The following DDX1 variants were observed in gnomAD, a reference collection of about 807,000 sequenced individuals.
DDX1 encodes ATP-dependent RNA helicase DDX1.
A neutral mutation model predicts 108.7 loss-of-function variants in DDX1; 28 were observed. The observed-to-expected ratio is 0.26, with a 90% CI of 0.19 to 0.35. The LOEUF (loss-of-function observed/expected upper bound fraction) is 0.35. Ranked by LOEUF, DDX1 falls within the 10% of genes least tolerant of loss-of-function variation. The pLI is 1.00. For synonymous variants in DDX1, 295 were observed against 288.9 expected (o/e 1.02, Z -0.21); for missense variants, 710 against 884.5 (o/e 0.80, Z 2.50).
At chr2:15,601,903 T>C (rs771680648) in intron 6 of DDX1, among the ~76,000 whole-genome samples, 2 of 152,202 alleles carry the variant, frequency 1.3e-5, no homozygotes, top group Non-Finnish European at 2.9e-5. Flanking sequence ...ATTTAGTATG[T>C]GGACATCACT....
intron 10 of DDX1, among the ~76,000 whole-genome samples, chr2:15,605,223 A>C (rs1040273276): frequency 6.6e-6 from 1 of 151,900 alleles, no homozygotes; most frequent in Admixed American, 6.6e-5. Context: ...GGGTGGGGTG[A>C]GATTGCCTAG....
At chr2:15,594,020 G>T (rs1362804364) in intron 1 of DDX1, among the ~76,000 whole-genome samples, 1 of 151,944 alleles carries the variant, frequency 6.6e-6, no homozygotes, top group Non-Finnish European at 1.5e-5. Context: ...GGAGTTTGCA[G>T]TGAGTGGAGA....
chr2:15,629,267 T>C (rs1002018313), intron 23 of DDX1, among the ~76,000 whole-genome samples: 1 of 152,210 alleles, frequency 6.6e-6, no homozygotes, highest in African/African-American at 2.4e-5. Context: ...TACAAAAGAT[T>C]TGAACTTATT....
chr2:15,609,665 T>C (rs188960333), intron 13 of DDX1, among the ~76,000 whole-genome samples: 62 of 152,306 alleles, frequency 4.1e-4, no homozygotes, highest in African/African-American at 1.2e-3. Flanking sequence ...TCAATTATCA[T>C]GTGTATGTGT....
At position 15,624,694 on chromosome 2, in the gene DDX1, GC is replaced by G. The variant is rs199886388; in HGVS notation, c.1594+1114del. On this transcript the variant is annotated intron_variant, in intron 19 of 25. Transcript: ENST00000233084. ...AAGATGAGATTTGGATGGAGACCCA[GC>G]CAAATTATATCATAAACCAACATGG... is the stretch of plus-strand genomic sequence containing the variant. Among the ~76,000 whole-genome samples, 649 of 152,276 alleles carry G rather than the reference GC, an allele frequency of 4.3e-3. 4 individuals carry two copies. Among genetic ancestry groups the G allele is most frequent in the African/African-American group, 0.015 (617 of 41,552 alleles).
At chr2:15,616,177 T>C (rs1665890617) in intron 14 of DDX1, among the ~76,000 whole-genome samples, 1 of 152,086 alleles carries the variant, frequency 6.6e-6, no homozygotes, top group Non-Finnish European at 1.5e-5. Flanking sequence ...CCTCCCAAAG[T>C]GCTAGGATTA....
chr2:15,597,237 G>A, intron 4 of DDX1, 138 bp from the exon 5 acceptor site: 2 of 625,064 alleles, frequency 3.2e-6, no homozygotes, highest in Non-Finnish European at 5.5e-6. Flanking sequence ...TTTTGGTTTG[G>A]GTAAATGAAA....
At position 15,597,466 on chromosome 2, in the gene DDX1, C is replaced by T; in HGVS notation, c.254C>T (p.Ala85Val). ...GGAAAAACAACAATTAAAACTGGTG[C>T]TTCAGGTAATTTTTGTAAATTGATA... Reference protein sequence around the residue: ...KKGKTTIKTGASVLNKWQMNP... With the variant: ...KKGKTTIKTGVSVLNKWQMNP... The change falls in exon 5 of 26, where the codon GCT (alanine) becomes GTT (valine). Residue 85 changes from alanine (A) to valine (V), a missense_variant. Physicochemically the swap from Ala to Val is moderately conservative, Grantham distance 64. Transcript: ENST00000233084. 2 of 1,595,212 alleles carry T rather than the reference C, an allele frequency of 1.3e-6. No homozygotes were observed. Among genetic ancestry groups the T allele is most frequent in the Non-Finnish European group, 1.7e-6 (2 of 1,168,876 alleles).
chr2:15,596,958 T>C (rs966110039), intron 4 of DDX1, among the ~76,000 whole-genome samples, 195 bp downstream of exon 4: 1 of 152,212 alleles, frequency 6.6e-6, no homozygotes, highest in Non-Finnish European at 1.5e-5. Context: ...CTTAAGAACA[T>C]AGTTTTAAAT....
At position 15,619,016 on chromosome 2, in the gene DDX1, G is replaced by A. The variant is rs143353408; in HGVS notation, c.1206+746G>A. Among the ~76,000 whole-genome samples the A allele has an allele frequency of 1.8e-3, 277 of 152,312 alleles. 2 individuals are homozygous for A. Among genetic ancestry groups the A allele is most frequent in the Non-Finnish European group, 3.3e-3 (224 of 68,018 alleles). On this transcript the variant is annotated intron_variant, in intron 16 of 25. Transcript: ENST00000233084. ...TGGGGGCAAGGGAGGGCCTTTTAGG[G>A]CCCCCCGAGTGCAGAGATGTCTGGG...
rs1280651642 is a variant in DDX1 at position 15,591,879 on chromosome 2, G to A, written c.-55G>A. On this transcript the variant is annotated 5_prime_UTR_variant, in exon 1 of 26. In the 5' UTR this introduces an upstream ATG that the reference lacks. Transcript: ENST00000233084. ...AAGCGCGCGCCGCCACTGCCACGCCGTGTCAGTCGGGAGGGAGGGAGCGAG... is the reference window on the plus strand; with the variant it reads ...AAGCGCGCGCCGCCACTGCCACGCCATGTCAGTCGGGAGGGAGGGAGCGAG... 6 of 1,466,346 alleles carry A rather than the reference G, an allele frequency of 4.1e-6. No homozygotes were observed. The highest frequency in any genetic ancestry group is 5.4e-6 in the Non-Finnish European group (6 of 1,107,446). 90.8% of individuals were successfully genotyped at this position (1,466,346 alleles called of 1,614,324 possible).
rs752695079 is a variant in DDX1 at position 15,629,562 on chromosome 2, A to G, written c.1876-40A>G. On this transcript the variant is annotated intron_variant, in intron 23 of 25. Transcript: ENST00000233084. Reference sequence around the variant, plus strand: ...AGAATAAGATATTTAGCATGTCTCTATCTCCATGCATGTTAATATTTTTTC... The same window carrying G: ...AGAATAAGATATTTAGCATGTCTCTGTCTCCATGCATGTTAATATTTTTTC... 2.8e-5 allele frequency: 39 copies of G among 1,397,668 alleles called. No individual in the cohort carries two copies. The African/African-American group carries it at 4.1e-4, about 15-fold the overall frequency. 86.6% of individuals were successfully genotyped at this position (1,397,668 alleles called of 1,614,324 possible). A position where few individuals can be genotyped will look rare whatever the true frequency, so the allele number is the denominator to read the frequency against.
At chr2:15,609,416 A>T (rs1366716254) in intron 13 of DDX1, among the ~76,000 whole-genome samples, 4 of 152,260 alleles carry the variant, frequency 2.6e-5, no homozygotes, top group Non-Finnish European at 5.9e-5. Flanking sequence ...CAGCCCAGCC[A>T]TCTGCCCCTC....
intron 18 of DDX1, among the ~76,000 whole-genome samples, chr2:15,621,986 A>G (rs1666018983): frequency 6.6e-6 from 1 of 152,242 alleles, no homozygotes; most frequent in Non-Finnish European, 1.5e-5. Context: ...TTCTCATCAT[A>G]GGAAAACAGC....
intron 5 of DDX1, 53 bp downstream of exon 5, chr2:15,597,524 C>A: frequency 8.4e-7 from 1 of 1,188,854 alleles, no homozygotes; most frequent in Non-Finnish European, 1.2e-6. Context: ...GTTCTCATCA[C>A]TGACAGTTAG....
At chr2:15,612,365 G>A (rs7575306) in intron 13 of DDX1, among the ~76,000 whole-genome samples, 35,831 of 150,850 alleles carry the variant, frequency 0.24, 5,203 homozygotes, top group African/African-American at 0.42. Flanking sequence ...CATCTCAGAC[G>A]ATGGGCAGCT....
Position 15,602,653 on chromosome 2 carries a change from T to C in DDX1, c.391+22T>C, listed in dbSNP as rs527581732. ...AAAGGTATTTGAACAGCATCTGCACTTGTATAAACTTTTGAGGCAAGGTAT... is the reference window on the plus strand; with the variant it reads ...AAAGGTATTTGAACAGCATCTGCACCTGTATAAACTTTTGAGGCAAGGTAT... On this transcript the variant is annotated intron_variant, in intron 7 of 25. Transcript: ENST00000233084. 2.9e-5 allele frequency: 44 copies of C among 1,531,468 alleles called. No homozygotes were observed. The South Asian group carries it at 4.7e-4, about 16-fold the overall frequency. The allele number at this position is 1,531,468 out of a possible 1,614,324, so 94.9% of individuals were successfully genotyped here.
intron 12 of DDX1, among the ~76,000 whole-genome samples, chr2:15,606,884 G>A (rs13398854): frequency 0.016 from 2,396 of 152,188 alleles, 61 homozygotes; most frequent in African/African-American, 0.05. Context: ...GTGCAGTGGC[G>A]CCATCATAGC....
intron 18 of DDX1, chr2:15,621,401 G>A: frequency 3.3e-6 from 1 of 300,426 alleles, no homozygotes; most frequent in East Asian, 8.3e-5. Context: ...CGGCCACCCG[G>A]GTTCAAGCAG....
Sources: allele counts gnomAD v4.1 joint callset (sites outside exome capture counted in the v4.1 genomes callset), GRCh38; gene constraint gnomAD v4.1.1; transcripts MANE v1.5; gene names NCBI Gene and HGNC (gene_info 2026-07-23, HGNC 2026-07-21).